The following COBL variants were observed in gnomAD, a reference collection of about 807,000 sequenced individuals.
COBL encodes protein cordon-bleu.
COBL carries 51 observed loss-of-function variants against 98.8 expected under a neutral mutation model. That is an observed-to-expected ratio of 0.52 (90% CI 0.41 to 0.65). COBL has a LOEUF of 0.65. Among genes scored for constraint, COBL ranks in the 30% least tolerant of loss-of-function variants. COBL has a pLI of 0.00. For synonymous variants in COBL, 634 were observed against 651.7 expected (o/e 0.97, Z 0.41); for missense variants, 1,617 against 1,617.5 (o/e 1.00, Z 0.01).
intron 7 of COBL, among the ~76,000 whole-genome samples, chr7:51,070,136 A>G (rs1295986837): frequency 6.6e-6 from 1 of 152,166 alleles, no homozygotes; most frequent in Non-Finnish European, 1.5e-5. Flanking sequence ...AAATCACAAA[A>G]CTTCCAGCAA....
intron 7 of COBL, among the ~76,000 whole-genome samples, chr7:51,062,775 A>C (rs980335277): frequency 2.0e-5 from 3 of 152,174 alleles, no homozygotes; most frequent in Non-Finnish European, 4.4e-5. Context: ...GCCTGCCAGC[A>C]CCAGGGACTG....
intron 1 of COBL, among the ~76,000 whole-genome samples, chr7:51,301,307 G>A (rs1801943133): frequency 6.6e-6 from 1 of 152,182 alleles, no homozygotes; most frequent in Non-Finnish European, 1.5e-5. Flanking sequence ...GTAAGTGAGG[G>A]AACTTCAACT....
At chr7:51,229,656 G>A (rs1340885845) in intron 1 of COBL, among the ~76,000 whole-genome samples, 1 of 152,154 alleles carries the variant, frequency 6.6e-6, no homozygotes, top group Non-Finnish European at 1.5e-5. Context: ...GCATGATTTA[G>A]TACATTCTTT....
At chr7:51,067,044 G>A (rs1209106292) in intron 7 of COBL, among the ~76,000 whole-genome samples, 1 of 152,206 alleles carries the variant, frequency 6.6e-6, no homozygotes, top group East Asian at 1.9e-4. Flanking sequence ...GGAGGCCAAA[G>A]TGGACAAGTT....
intron 7 of COBL, among the ~76,000 whole-genome samples, chr7:51,073,815 T>C (rs1431705578): frequency 6.6e-6 from 1 of 152,228 alleles, no homozygotes; most frequent in Non-Finnish European, 1.5e-5. Context: ...GGCTTTGTGA[T>C]GCCCTCAATT....
chr7:51,052,989 T>G (rs1330094954), intron 7 of COBL, among the ~76,000 whole-genome samples: 1 of 152,212 alleles, frequency 6.6e-6, no homozygotes, highest in Non-Finnish European at 1.5e-5. Context: ...TGGCCTTGTT[T>G]CCCAAGAAGG....
rs1787728522 is a variant in COBL at position 51,027,873 on chromosome 7, T to C, written c.3223A>G (p.Thr1075Ala). 1 of 1,614,234 alleles carries C rather than the reference T, an allele frequency of 6.2e-7. No homozygotes were observed. Among genetic ancestry groups the C allele is most frequent in the East Asian group, 2.2e-5 (1 of 44,874 alleles). ...EREEKPSVFS[T>A]DGNETDSIWP... is the part of the protein sequence containing the mutation. ...ATACTGTCTGTTTCATTTCCATCTGTAGAGAACACACTGGGCTTTTCCTCT... is the reference window on the plus strand; with the variant it reads ...ATACTGTCTGTTTCATTTCCATCTGCAGAGAACACACTGGGCTTTTCCTCT... The change falls in exon 10 of 13, where the codon ACA (threonine) becomes GCA (alanine). Residue 1075 changes from threonine (T) to alanine (A), a missense_variant. This residue lies in a region of COBL where 1,304 missense variants were observed against 1,282.0 expected (regional missense o/e 1.02). Transcript: ENST00000265136.
chr7:51,190,827 C>A, intron 4 of COBL, 23 bp downstream of exon 4: 2 of 1,592,866 alleles, frequency 1.3e-6, no homozygotes, highest in Non-Finnish European at 1.7e-6. Flanking sequence ...TGGGCAGGTG[C>A]GTGAGACGCA....
intron 6 of COBL, among the ~76,000 whole-genome samples, chr7:51,089,636 A>G (rs6976344): frequency 0.62 from 94,370 of 151,886 alleles, 29,698 homozygotes; most frequent in Middle Eastern, 0.73. Context: ...GTGGAGTTTC[A>G]GAGGGAGAGA....
intron 12 of COBL, among the ~76,000 whole-genome samples, chr7:51,023,651 T>C (rs971007098): frequency 6.6e-6 from 1 of 152,198 alleles, no homozygotes; most frequent in Admixed American, 6.5e-5. Flanking sequence ...GGCAGTGCCT[T>C]TCACAGCAAG....
chr7:51,233,794 C>T (rs992397269), intron 1 of COBL, among the ~76,000 whole-genome samples: 6 of 152,180 alleles, frequency 3.9e-5, no homozygotes, highest in Non-Finnish European at 5.9e-5. Context: ...ATGCCAATGT[C>T]TAATGGAGAG....
At chr7:51,108,129 A>C (rs1306782705) in intron 6 of COBL, among the ~76,000 whole-genome samples, 1 of 151,512 alleles carries the variant, frequency 6.6e-6, no homozygotes, top group African/African-American at 2.4e-5. Flanking sequence ...AGCACTCCTA[A>C]CTCTGTTCCT....
Position 51,026,616 on chromosome 7 carries a change from T to G in COBL, c.3434A>C (p.Glu1145Ala), listed in dbSNP as rs898290131. ...CAGTGCAGATCGTTCGCCCTCTGCC[T>G]CCGTGTAGGACAGTTTCGCTGGCCT... ...EGRPAKLSYTEAEGERSALLA... is the reference protein window; with the variant it reads ...EGRPAKLSYTAAEGERSALLA... Residue 1145 changes from glutamate (E) to alanine (A), a missense_variant, in exon 11 of 13, where the codon GAG becomes GCG. Coordinates refer to ENST00000265136, the MANE Select transcript of COBL (RefSeq NM_015198.5). The G allele has an allele frequency of 3.1e-6, 5 of 1,614,142 alleles. No individual in the cohort carries two copies. Among genetic ancestry groups the G allele is most frequent in the Non-Finnish European group, 4.2e-6 (5 of 1,180,038 alleles).
intron 6 of COBL, among the ~76,000 whole-genome samples, chr7:51,124,127 T>C (rs1292447336): frequency 1.3e-5 from 2 of 152,216 alleles, no homozygotes; most frequent in Non-Finnish European, 2.9e-5. Flanking sequence ...ATAAAAGTCC[T>C]AGCAGAGTGC....
chr7:51,178,836 C>T (rs570349808), intron 5 of COBL, among the ~76,000 whole-genome samples: 2 of 152,134 alleles, frequency 1.3e-5, no homozygotes, highest in East Asian at 1.9e-4. Flanking sequence ...CTCCAACTCC[C>T]GACCTCAGGC....
intron 4 of COBL, among the ~76,000 whole-genome samples, chr7:51,189,799 T>C (rs1234558056): frequency 6.6e-6 from 1 of 152,240 alleles, no homozygotes; most frequent in African/African-American, 2.4e-5. Flanking sequence ...ATGAGGCTTA[T>C]TAGAAGAGAA....
chr7:51,240,517 T>C (rs1795688109), intron 1 of COBL, among the ~76,000 whole-genome samples: 1 of 151,936 alleles, frequency 6.6e-6, no homozygotes, highest in African/African-American at 2.4e-5. Flanking sequence ...TCTACGGAAA[T>C]TGCATTAAAG....
At chr7:51,126,320 TCC>T (rs922185142) in intron 6 of COBL, among the ~76,000 whole-genome samples, 7 of 151,972 alleles carry the variant, frequency 4.6e-5, no homozygotes, top group African/African-American at 1.7e-4. Flanking sequence ...AGAGCGAGAC[TCC>T]GTCTCAAAAA....
At chr7:51,156,494 A>G in intron 5 of COBL, 1 of 985,264 alleles carries the variant, frequency 1.0e-6, no homozygotes, top group Non-Finnish European at 1.2e-6. Context: ...GGAGGCTGTC[A>G]TTCAAAGGAG....
Sources: gnomAD v4.1 joint callset for allele counts (sites outside exome capture counted in the v4.1 genomes callset) on GRCh38, gnomAD v4.1.1 for gene constraint, gnomAD v4.1.1 regional missense constraint, MANE v1.5 for transcripts, NCBI Gene and HGNC (gene_info 2026-07-23, HGNC 2026-07-21) for gene names.